Variants in PGM5 observed in about 807,000 individuals in gnomAD.
PGM5 encodes the protein phosphoglucomutase 5, also known as phosphoglucomutase-like protein 5.
A neutral mutation model predicts 59.2 loss-of-function variants in PGM5; 23 were observed. The observed-to-expected ratio is 0.39, with a 90% CI of 0.28 to 0.55. The LOEUF is 0.55. Among genes scored for constraint, PGM5 ranks in the 20% least tolerant of loss-of-function variants. The pLI, the probability that PGM5 is intolerant of heterozygous loss-of-function variation, is 0.66. For missense variants in PGM5, 574 were observed against 748.3 expected (o/e 0.77, Z 2.72); for synonymous variants, 214 against 286.0 (o/e 0.75, Z 2.54).
chr9:68,509,528 TGAG>T (rs1824711009), intron 10 of PGM5, among the ~76,000 whole-genome samples: 1 of 152,120 alleles, frequency 6.6e-6, no homozygotes. Context: ...CAACAGATGA[TGAG>T]ATGACGGCCA....
chr9:68,488,286 G>T (rs970241044), intron 9 of PGM5, among the ~76,000 whole-genome samples: 18 of 152,266 alleles, frequency 1.2e-4, no homozygotes, highest in African/African-American at 4.1e-4. Flanking sequence ...AAAGCGAAAG[G>T]TTTTTTAAGG....
At chr9:68,385,316 G>T (rs1554678763) in intron 3 of PGM5, among the ~76,000 whole-genome samples, 1 of 152,144 alleles carries the variant, frequency 6.6e-6, no homozygotes, top group Non-Finnish European at 1.5e-5. Flanking sequence ...CTTTTTTAGT[G>T]CTTCTATAAG....
intron 8 of PGM5, among the ~76,000 whole-genome samples, chr9:68,481,555 A>G (rs1488042081): frequency 6.6e-6 from 1 of 152,196 alleles, no homozygotes; most frequent in Non-Finnish European, 1.5e-5. Flanking sequence ...CCTCTGGCCT[A>G]GTGAGATCGC....
intron 6 of PGM5, among the ~76,000 whole-genome samples, chr9:68,412,542 A>G (rs1452732534): frequency 5.3e-5 from 8 of 152,204 alleles, no homozygotes; most frequent in Non-Finnish European, 1.2e-4. Flanking sequence ...GTTTTCCTTA[A>G]TGGATGAAAT....
At chr9:68,504,668 C>G (rs533195145) in intron 10 of PGM5, among the ~76,000 whole-genome samples, 4 of 152,270 alleles carry the variant, frequency 2.6e-5, no homozygotes, top group African/African-American at 9.6e-5. Context: ...TCTTACTTCC[C>G]TACCCTGCTT....
chr9:68,453,523 T>G (rs1234310446), intron 6 of PGM5, among the ~76,000 whole-genome samples: 1 of 152,012 alleles, frequency 6.6e-6, no homozygotes, highest in Non-Finnish European at 1.5e-5. Context: ...ATTTTTTCTT[T>G]TTTTGAGCCA....
intron 10 of PGM5, among the ~76,000 whole-genome samples, chr9:68,503,174 CAT>C (rs1233729758): frequency 6.6e-6 from 1 of 152,142 alleles, no homozygotes; most frequent in African/African-American, 2.4e-5. Context: ...ATAGGAAGAA[CAT>C]ATGATTTGTC....
chr9:68,450,823 T>C (rs868981351), intron 6 of PGM5, among the ~76,000 whole-genome samples: 1 of 152,246 alleles, frequency 6.6e-6, no homozygotes, highest in African/African-American at 2.4e-5. Flanking sequence ...CATGTGTCTG[T>C]ATCTCATATT....
At position 68,469,360 on chromosome 9, in the gene PGM5, T is replaced by A. The variant is rs782590900; in HGVS notation, c.1159+4152T>A. Among the ~76,000 whole-genome samples the A allele has an allele frequency of 5.8e-3, 873 of 151,182 alleles. 9 individuals carry two copies. Among genetic ancestry groups the A allele is most frequent in the African/African-American group, 0.018 (761 of 41,300 alleles). On this transcript the variant is annotated intron_variant, in intron 7 of 10. Coordinates refer to ENST00000396396, the MANE Select transcript of PGM5 (RefSeq NM_021965.4). ...CTTTCACAGAAATAATAGTGTTTTTTAAAAAAAAAATGAGCACTTAGTATG... is the reference window on the plus strand; with the variant it reads ...CTTTCACAGAAATAATAGTGTTTTTAAAAAAAAAAATGAGCACTTAGTATG...
rs1821979144 is a variant in PGM5 at position 68,378,364 on chromosome 9, A to G, written c.424+3A>G. The G allele has an allele frequency of 6.3e-7, 1 of 1,593,558 alleles. No individual in the cohort carries two copies. The highest frequency in any genetic ancestry group is 1.4e-5 in the African/African-American group (1 of 73,448). On this transcript the variant is annotated splice_donor_region_variant and intron_variant, in intron 2 of 10. Coordinates refer to ENST00000396396, the MANE Select transcript of PGM5 (RefSeq NM_021965.4). ...GAAGTTTAATGTTGCCAATGGAGGT[A>G]TGTGGTTCAGCATATGCCTTAATAA...
At chr9:68,450,353 G>A (rs1823676083) in intron 6 of PGM5, among the ~76,000 whole-genome samples, 1 of 152,194 alleles carries the variant, frequency 6.6e-6, no homozygotes, top group Non-Finnish European at 1.5e-5. Context: ...TTCTAGCAAA[G>A]AGGCCCAGGA....
At chr9:68,505,059 G>A (rs117540321) in intron 10 of PGM5, among the ~76,000 whole-genome samples, 4 of 152,086 alleles carry the variant, frequency 2.6e-5, no homozygotes, top group Non-Finnish European at 4.4e-5. Context: ...CTTATTCATC[G>A]TTCCAGTGGC....
At chr9:68,395,217 C>T (rs1822469514) in intron 6 of PGM5, among the ~76,000 whole-genome samples, 1 of 151,972 alleles carries the variant, frequency 6.6e-6, no homozygotes, top group South Asian at 2.1e-4. Flanking sequence ...TTTTCCAATC[C>T]CATTTTTAAA....
chr9:68,369,834 A>G (rs536133400), intron 1 of PGM5, among the ~76,000 whole-genome samples: 41 of 152,316 alleles, frequency 2.7e-4, no homozygotes, highest in African/African-American at 9.4e-4. Flanking sequence ...TCTGGTCTCC[A>G]TGTAACAAAT....
chr9:68,475,382 T>C (rs7026163), intron 7 of PGM5, among the ~76,000 whole-genome samples: 9,007 of 151,940 alleles, frequency 0.059, 620 homozygotes, highest in East Asian at 0.37. Flanking sequence ...TACGTTGTTA[T>C]TGCGAAAATA....
intron 6 of PGM5, among the ~76,000 whole-genome samples, chr9:68,453,208 C>T (rs1021047782): frequency 6.6e-6 from 1 of 152,178 alleles, no homozygotes; most frequent in Non-Finnish European, 1.5e-5. Context: ...AGTCTCTTAC[C>T]TTTTCATAAT....
chr9:68,431,030 C>G (rs963707608), intron 6 of PGM5, among the ~76,000 whole-genome samples: 3 of 152,190 alleles, frequency 2.0e-5, no homozygotes, highest in African/African-American at 7.2e-5. Context: ...CTGAATAAAT[C>G]CTGGGCCTTA....
intron 6 of PGM5, among the ~76,000 whole-genome samples, chr9:68,455,220 G>C (rs1823755311): frequency 6.6e-6 from 1 of 152,178 alleles, no homozygotes. Context: ...TCAATCCATG[G>C]TATTCTGAAC....
At chr9:68,484,577 CAAA>C (rs59632919) in intron 9 of PGM5, among the ~76,000 whole-genome samples, 250 of 111,294 alleles carry the variant, frequency 2.2e-3, no homozygotes, top group African/African-American at 7.4e-3. Flanking sequence ...CACACACACA[CAAA>C]ACAAAACAAA....
Sources: gnomAD v4.1 joint callset for allele counts (sites outside exome capture counted in the v4.1 genomes callset) on GRCh38, gnomAD v4.1.1 for gene constraint, MANE v1.5 for transcripts, NCBI Gene and HGNC (gene_info 2026-07-23, HGNC 2026-07-21) for gene names.